PCDH7: variants seen among roughly 807,000 people sequenced by gnomAD.
The protein encoded by PCDH7 is protocadherin 7.
PCDH7 carries 17 observed loss-of-function variants against 58.9 expected under a neutral mutation model. The ratio of observed to expected loss-of-function variants is 0.29; its 90% CI spans 0.20 to 0.43. The LOEUF is 0.43. Ranked by LOEUF, PCDH7 falls within the 20% of genes least tolerant of loss-of-function variation. The pLI is 1.00. For synonymous variants in PCDH7, 664 were observed against 616.4 expected, an observed-to-expected ratio of 1.08 and a Z score of -1.14; for missense variants, 1,274 against 1,441.0, an observed-to-expected ratio of 0.88 and a Z score of 1.88.
chr4:30,976,789 T>G (rs1019427637), intron 3 of PCDH7, among the ~76,000 whole-genome samples: 5 of 152,182 alleles, frequency 3.3e-5, no homozygotes, highest in Non-Finnish European at 7.3e-5. Flanking sequence ...TATTTTTATC[T>G]CATTCTTGAC....
intron 3 of PCDH7, among the ~76,000 whole-genome samples, chr4:31,005,129 A>G (rs887623061): frequency 1.3e-5 from 2 of 152,340 alleles, no homozygotes; most frequent in African/African-American, 4.8e-5. Context: ...TTGAATTTCA[A>G]ATGGTTTATC....
chr4:31,115,983 A>T (rs1380103215), intron 3 of PCDH7, among the ~76,000 whole-genome samples: 2 of 152,322 alleles, frequency 1.3e-5, no homozygotes, highest in South Asian at 2.1e-4. Flanking sequence ...AGAAAAATGT[A>T]ATGATGTAAT....
At chr4:30,849,255 C>T (rs561574700) in intron 1 of PCDH7, among the ~76,000 whole-genome samples, 1 of 152,128 alleles carries the variant, frequency 6.6e-6, no homozygotes, top group Non-Finnish European at 1.5e-5. Context: ...CCAAAAACCA[C>T]TCTTGGGGAA....
intron 3 of PCDH7, among the ~76,000 whole-genome samples, chr4:30,954,184 T>A (rs1324761823): frequency 6.6e-6 from 1 of 152,158 alleles, no homozygotes; most frequent in Non-Finnish European, 1.5e-5. Context: ...TTTCAGTGAG[T>A]GTCTATGCAG....
In PCDH7 at chr4:30,959,443, A is replaced by G. The variant is rs182039316; in HGVS notation, c.*7+9228A>G. On this transcript the variant is annotated intron_variant, in intron 3 of 3. Transcript: ENST00000509759. ...GGATGAATTATATCTTTTTAGAAAA[A>G]AAGTACAATTAAAAAGTATAACCTC... Among the ~76,000 whole-genome samples, 76 of 152,268 alleles carry G rather than the reference A, an allele frequency of 5.0e-4. 1 individual carries two copies. In the East Asian group the frequency reaches 0.013, roughly 26 times the overall value.
chr4:30,763,010 A>C (rs1049569321), intron 1 of PCDH7, among the ~76,000 whole-genome samples: 3 of 152,150 alleles, frequency 2.0e-5, no homozygotes, highest in Non-Finnish European at 4.4e-5. Flanking sequence ...TGGGAGGCCT[A>C]GGCGGGCGGA....
At chr4:31,049,694 ACT>A (rs1029331346) in intron 3 of PCDH7, among the ~76,000 whole-genome samples, 26 of 151,296 alleles carry the variant, frequency 1.7e-4, no homozygotes, top group Admixed American at 8.6e-4. Flanking sequence ...GCCCTGTTTG[ACT>A]CTCTTCATCT....
At chr4:30,792,016 G>T (rs1464853331) in intron 1 of PCDH7, among the ~76,000 whole-genome samples, 1 of 152,044 alleles carries the variant, frequency 6.6e-6, no homozygotes, top group African/African-American at 2.4e-5. Context: ...TATTTGATGA[G>T]GATTTTATTT....
At chr4:31,097,587 CATATATATATAT>C (rs1190443409) in intron 3 of PCDH7, among the ~76,000 whole-genome samples, 75 of 40,084 alleles carry the variant, frequency 1.9e-3, no homozygotes, top group South Asian at 3.5e-3. Flanking sequence ...TCCAAATATA[CATATATATATAT>C]ATATATATAT....
At chr4:30,828,054 A>G (rs1209328345) in intron 1 of PCDH7, among the ~76,000 whole-genome samples, 2 of 152,122 alleles carry the variant, frequency 1.3e-5, no homozygotes, top group Non-Finnish European at 2.9e-5. Flanking sequence ...AACCTACTTC[A>G]TATGGTTGTT....
chr4:30,913,896 G>A (rs1187006505), intron 1 of PCDH7, among the ~76,000 whole-genome samples: 1 of 152,160 alleles, frequency 6.6e-6, no homozygotes, highest in Admixed American at 6.5e-5. Context: ...CCCCACAGCA[G>A]TCAATTTAAT....
At chr4:30,790,409 C>T (rs1408276493) in intron 1 of PCDH7, among the ~76,000 whole-genome samples, 1 of 152,148 alleles carries the variant, frequency 6.6e-6, no homozygotes, top group Non-Finnish European at 1.5e-5. Flanking sequence ...AGAGGTCACA[C>T]TCAACAGGAG....
chr4:31,064,183 T>C (rs974790514), intron 3 of PCDH7, among the ~76,000 whole-genome samples: 2 of 151,966 alleles, frequency 1.3e-5, no homozygotes, highest in Admixed American at 6.6e-5. Flanking sequence ...GAAAATCAGA[T>C]GAAGTTTTAC....
chr4:31,011,822 A>G (rs1250544807), intron 3 of PCDH7, among the ~76,000 whole-genome samples: 1 of 151,990 alleles, frequency 6.6e-6, no homozygotes, highest in Admixed American at 6.6e-5. Flanking sequence ...GAAAAACTGT[A>G]ATATATTTTC....
At position 30,894,463 on chromosome 4, in the gene PCDH7, G is replaced by GGAA. The variant is rs1393250151; in HGVS notation, c.71-25690_71-25689insGAA. Among the ~76,000 whole-genome samples the GGAA allele has an allele frequency of 6.3e-3, 82 of 13,024 alleles. 7 individuals are homozygous for GGAA. The highest frequency in any genetic ancestry group is 0.022 in the African/African-American group (80 of 3,612). 8.5% of individuals were successfully genotyped at this position (13,024 alleles called of 152,430 possible). On this transcript the variant is annotated intron_variant, in intron 1 of 3. Coordinates refer to the PCDH7 transcript ENST00000509759. ...TGGTCTGGAGACCAGTTTCATTCAG[G>GGAA]AAAAAAAAAAAAAAAAAAAAAAAAA...
chr4:30,934,778 A>C (rs1474184376), intron 2 of PCDH7, among the ~76,000 whole-genome samples: 1 of 152,258 alleles, frequency 6.6e-6, no homozygotes, highest in African/African-American at 2.4e-5. Flanking sequence ...GTCCTTCTTA[A>C]ATATAACAAT....
At chr4:31,023,394 A>G (rs1754182012) in intron 3 of PCDH7, among the ~76,000 whole-genome samples, 1 of 152,284 alleles carries the variant, frequency 6.6e-6, no homozygotes, top group East Asian at 1.9e-4. Flanking sequence ...TCCCCTTCTA[A>G]AAGAATTGCT....
rs149925837 is a variant in PCDH7, at chr4:31,050,308, C to G, written c.*8-92165C>G. On this transcript the variant is annotated intron_variant, in intron 3 of 3. Coordinates refer to the PCDH7 transcript ENST00000509759. Reference sequence around the variant, plus strand: ...GGATGTTGATTCTATTACCATTGTACTCTGCTATGTAGACTACAATATTAT... The same window carrying G: ...GGATGTTGATTCTATTACCATTGTAGTCTGCTATGTAGACTACAATATTAT... Among the ~76,000 whole-genome samples the G allele has an allele frequency of 9.7e-3, 1,469 of 152,202 alleles. 21 individuals carry two copies. Among genetic ancestry groups the G allele is most frequent in the African/African-American group, 0.034 (1,411 of 41,538 alleles).
At chr4:31,026,658 C>T (rs575679276) in intron 3 of PCDH7, among the ~76,000 whole-genome samples, 1 of 152,240 alleles carries the variant, frequency 6.6e-6, no homozygotes, top group South Asian at 2.1e-4. Flanking sequence ...ACCTTGGCTT[C>T]CCACATAATT....
Sources: gnomAD v4.1 joint callset for allele counts (sites outside exome capture counted in the v4.1 genomes callset) on GRCh38, gnomAD v4.1.1 for gene constraint, MANE v1.5 for transcripts, NCBI Gene and HGNC (gene_info 2026-07-23, HGNC 2026-07-21) for gene names.